Variants in KL observed in about 807,000 individuals in gnomAD.
KL encodes alpha-klotho.
KL carries 62 observed loss-of-function variants against 84.2 expected under a neutral mutation model. The ratio of observed to expected loss-of-function variants is 0.74; its 90% CI spans 0.60 to 0.91. The LOEUF (loss-of-function observed/expected upper bound fraction) is 0.91, where lower values mean the gene tolerates loss of function less well. Among genes scored for constraint, KL ranks in the 40% least tolerant of loss-of-function variants. KL has a pLI of 0.00. For missense variants in KL, 1,261 were observed against 1,305.7 expected (o/e 0.97, Z 0.53); for synonymous variants, 528 against 528.0 (o/e 1.00, Z 0.00).
intron 1 of KL, among the ~76,000 whole-genome samples, chr13:33,018,289 A>G (rs564370595): frequency 6.6e-6 from 1 of 152,328 alleles, no homozygotes; most frequent in South Asian, 2.1e-4. Flanking sequence ...GGCCTACTGG[A>G]AGACTTATTT....
chr13:33,037,169 A>G (rs1003298287), intron 1 of KL, among the ~76,000 whole-genome samples: 25 of 152,208 alleles, frequency 1.6e-4, no homozygotes, highest in Non-Finnish European at 2.6e-4. Context: ...AGTATGTAGT[A>G]AGTAATGGCA....
chr13:33,018,155 T>A (rs1465650159), intron 1 of KL, among the ~76,000 whole-genome samples: 1 of 152,260 alleles, frequency 6.6e-6, no homozygotes, highest in South Asian at 2.1e-4. Flanking sequence ...TATAATCATG[T>A]CAGTTGTTAG....
At chr13:33,025,280 T>A (rs1374249712) in intron 1 of KL, among the ~76,000 whole-genome samples, 5 of 152,166 alleles carry the variant, frequency 3.3e-5, no homozygotes, top group African/African-American at 1.2e-4. Flanking sequence ...TCTTTTTCTG[T>A]AGAGGGCTAA....
At chr13:33,025,630 A>T (rs935509738) in intron 1 of KL, among the ~76,000 whole-genome samples, 1 of 152,200 alleles carries the variant, frequency 6.6e-6, no homozygotes, top group African/African-American at 2.4e-5. Context: ...GGAATTTCCA[A>T]GGCCTCTCTT....
At chr13:33,057,430 A>T (rs527723601) in intron 3 of KL, among the ~76,000 whole-genome samples, 2 of 152,310 alleles carry the variant, frequency 1.3e-5, no homozygotes, top group African/African-American at 4.8e-5. Context: ...GTCAGAAGCA[A>T]TAAGTATAGC....
chr13:33,051,161 T>G (rs936867425), intron 1 of KL, among the ~76,000 whole-genome samples: 4 of 152,190 alleles, frequency 2.6e-5, no homozygotes, highest in African/African-American at 9.6e-5. Context: ...ATGAATTGTC[T>G]CATTTAGTCC....
chr13:33,046,026 T>C (rs1196706181), intron 1 of KL, among the ~76,000 whole-genome samples: 1 of 152,238 alleles, frequency 6.6e-6, no homozygotes, highest in Admixed American at 6.5e-5. Context: ...TCTTAAAATA[T>C]GCTGCTGGAT....
intron 1 of KL, among the ~76,000 whole-genome samples, chr13:33,039,940 G>T (rs1345676547): frequency 6.6e-6 from 1 of 152,090 alleles, no homozygotes; most frequent in East Asian, 1.9e-4. Context: ...AGCTAGAAAT[G>T]CAACTTATTT....
chr13:33,065,335 T>G lies in KL; in HGVS notation c.*1149T>G, dbSNP rs889559886. 1 of 209,060 alleles carries G rather than the reference T, an allele frequency of 4.8e-6. No homozygotes were observed. The highest frequency in any genetic ancestry group is 9.8e-6 in the Non-Finnish European group (1 of 102,514). 13.0% of individuals were successfully genotyped at this position (209,060 alleles called of 1,614,324 possible). A position where few individuals can be genotyped will look rare whatever the true frequency, so the allele number is the denominator to read the frequency against. ...AAGTAGCTTTGAACTAGTTTTACTT[T>G]GAACTTTCACGCTGAAACATGCTAG... On this transcript the variant is annotated 3_prime_UTR_variant, in exon 5 of 5. Transcript: ENST00000380099.
chr13:33,044,640 C>CTTTTTTT lies in KL; in HGVS notation c.820-9105_820-9099dup, dbSNP rs71071071. Among the ~76,000 whole-genome samples the CTTTTTTT allele has an allele frequency of 8.6e-3, 454 of 52,728 alleles. 136 individuals carry two copies. The highest frequency in any genetic ancestry group is 0.013 in the East Asian group (23 of 1,740). 34.6% of individuals were successfully genotyped at this position (52,728 alleles called of 152,430 possible). On this transcript the variant is annotated intron_variant, in intron 1 of 4. Transcript: ENST00000380099. The stretch of plus-strand genomic sequence containing the variant: ...TTCATATATAAATGCAATTGATTTT[C>CTTTTTTT]TTTTTTTTTTTTTTTTTTTTTTTTT...
rs1870329921 is a variant in KL, at chr13:33,016,466, G to C, written c.26G>C (p.Arg9Pro). The part of the protein sequence containing the change: MPASAPPR[R>P]PRPPPPSLSL... ...ATGCCCGCCAGCGCCCCGCCGCGCC[G>C]CCCGCGGCCGCCGCCGCCGTCGCTG... Residue 9 changes from arginine to proline, a missense_variant, in exon 1 of 5, where the codon CGC (arginine) becomes CCC (proline). Transcript: ENST00000380099. 2.9e-6 allele frequency: 3 copies of C among 1,024,878 alleles called. No individual in the cohort carries two copies. The highest frequency in any genetic ancestry group is 4.6e-4 in the Middle Eastern group (1 of 2,156). The allele number at this position is 1,024,878 out of a possible 1,614,324, so 63.5% of individuals were successfully genotyped here.
intron 1 of KL, among the ~76,000 whole-genome samples, chr13:33,021,416 G>A (rs1870570020): frequency 6.6e-6 from 1 of 152,224 alleles, no homozygotes; most frequent in Admixed American, 6.5e-5. Flanking sequence ...AATAAGGGCA[G>A]GTGGTAAAGT....
At chr13:33,054,929 C>A in intron 2 of KL, 118 bp from the exon 3 acceptor site, 1 of 1,304,980 alleles carries the variant, frequency 7.7e-7, no homozygotes, top group South Asian at 1.2e-5. Context: ...CATTGGCTTA[C>A]CAAACGAGAA....
intron 4 of KL, 73 bp downstream of exon 4, chr13:33,061,853 A>C: frequency 2.5e-5 from 36 of 1,467,342 alleles, no homozygotes; most frequent in Non-Finnish European, 3.2e-5. Flanking sequence ...TTAAATCTCC[A>C]ACATCAACAC....
chr13:33,054,131 G>A lies in KL; in HGVS notation c.1184G>A (p.Arg395Lys). Residue 395 changes from arginine (R) to lysine (K), a missense_variant, in exon 2 of 5, where the codon AGG becomes AAG. By Grantham distance (26) the Arg-to-Lys change is conservative. Transcript: ENST00000380099. ...KFRQLESPNL[R>K]QLLSWIDLEF... ...CGCCAATTGGAATCTCCCAACCTGA[G>A]GCAACTGCTTTCCTGGATTGACCTT... The A allele has an allele frequency of 1.2e-6, 2 of 1,613,820 alleles. No individual in the cohort carries two copies. The highest frequency in any genetic ancestry group is 1.3e-5 in the African/African-American group (1 of 74,918).
chr13:33,046,726 CT>C, intron 1 of KL, among the ~76,000 whole-genome samples: 1 of 145,368 alleles, frequency 6.9e-6, no homozygotes, highest in African/African-American at 2.5e-5. Flanking sequence ...AGGTGGAAGA[CT>C]AAGTTATTGA....
At chr13:33,054,349 T>C in intron 2 of KL, 72 bp downstream of exon 2, 2 of 1,433,118 alleles carry the variant, frequency 1.4e-6, no homozygotes, top group South Asian at 2.3e-5. Flanking sequence ...TTATCTAACA[T>C]AAATGATGTG....
chr13:33,060,962 G>A lies in KL; in HGVS notation c.1883G>A (p.Arg628His), dbSNP rs137884931. ...YYRCMASELVRVNITPVVALW... is the reference protein window; with the variant it reads ...YYRCMASELVHVNITPVVALW... ...CGCTGCATGGCCAGCGAGCTTGTCC[G>A]TGTCAACATCACCCCAGTGGTGGCC... The change falls in exon 4 of 5, where the codon CGT becomes CAT. Residue 628 changes from arginine (R) to histidine (H), a missense_variant. Transcript: ENST00000380099. 9.0e-5 allele frequency: 145 copies of A among 1,611,256 alleles called. No individual in the cohort carries two copies. The highest frequency in any genetic ancestry group is 1.3e-4 in the Admixed American group (8 of 59,934).
At chr13:33,020,871 A>G (rs927109521) in intron 1 of KL, among the ~76,000 whole-genome samples, 8 of 152,178 alleles carry the variant, frequency 5.3e-5, no homozygotes, top group African/African-American at 1.9e-4. Flanking sequence ...ATGTGTGGAC[A>G]AGACAGAGTC....
Sources: gnomAD v4.1 joint callset for allele counts (sites outside exome capture counted in the v4.1 genomes callset) on GRCh38, gnomAD v4.1.1 for gene constraint, MANE v1.5 for transcripts, NCBI Gene and HGNC (gene_info 2026-07-23, HGNC 2026-07-21) for gene names.